Variants in CCNY observed in about 807,000 individuals in gnomAD.
CCNY encodes cyclin-Y.
In CCNY, 19 loss-of-function variants were observed where a neutral mutation model predicts 42.8. That is an observed-to-expected ratio of 0.44 (90% CI 0.31 to 0.65). The LOEUF is 0.65. Ranked by LOEUF, CCNY falls within the 30% of genes least tolerant of loss-of-function variation. CCNY has a pLI of 0.07. For synonymous variants in CCNY, 165 were observed against 162.7 expected (o/e 1.01, Z -0.11); for missense variants, 370 against 437.3 (o/e 0.85, Z 1.37).
intron 1 of CCNY, among the ~76,000 whole-genome samples, chr10:35,390,754 G>A (rs1016957015): frequency 2.0e-5 from 3 of 152,268 alleles, no homozygotes; most frequent in South Asian, 2.1e-4. Flanking sequence ...GGCATAGGGC[G>A]GTGATTTTCA....
chr10:35,472,977 C>T (rs1839420043), intron 1 of CCNY, among the ~76,000 whole-genome samples: 1 of 152,102 alleles, frequency 6.6e-6, no homozygotes, highest in African/African-American at 2.4e-5. Context: ...TAACTGAATT[C>T]AACGGAATTG....
chr10:35,442,257 A>C (rs1486980472), intron 1 of CCNY, among the ~76,000 whole-genome samples: 1 of 152,194 alleles, frequency 6.6e-6, no homozygotes, highest in Non-Finnish European at 1.5e-5. Context: ...TGGTGGTTGG[A>C]GAAATAGAAC....
At chr10:35,416,822 G>C (rs1255225001) in intron 1 of CCNY, among the ~76,000 whole-genome samples, 1 of 152,158 alleles carries the variant, frequency 6.6e-6, no homozygotes, top group Middle Eastern at 3.2e-3. Context: ...TTGATGGCCT[G>C]TGGGGGCAAA....
chr10:35,448,716 A>T (rs927013201), intron 1 of CCNY, among the ~76,000 whole-genome samples: 2 of 151,328 alleles, frequency 1.3e-5, no homozygotes, highest in African/African-American at 4.9e-5. Context: ...AGTGTGGGGG[A>T]TGGAGGGGAG....
chr10:35,477,017 A>G (rs1839528200), intron 1 of CCNY, among the ~76,000 whole-genome samples: 1 of 152,226 alleles, frequency 6.6e-6, no homozygotes, highest in Admixed American at 6.5e-5. Context: ...ACCTCTATGC[A>G]AATAAACTAG....
intron 1 of CCNY, among the ~76,000 whole-genome samples, chr10:35,396,561 T>A (rs959654229): frequency 6.6e-6 from 1 of 152,268 alleles, no homozygotes; most frequent in African/African-American, 2.4e-5. Flanking sequence ...AATGAACCAT[T>A]TCTCTGTTGC....
At chr10:35,506,832 T>C (rs1345226141) in intron 3 of CCNY, among the ~76,000 whole-genome samples, 3 of 152,196 alleles carry the variant, frequency 2.0e-5, no homozygotes, top group Non-Finnish European at 4.4e-5. Context: ...CTTTTGTATA[T>C]AGTGTTAGGA....
chr10:35,318,020 G>A (rs1343230164), intron 3 of CCNY, among the ~76,000 whole-genome samples: 1 of 152,064 alleles, frequency 6.6e-6, no homozygotes, highest in Admixed American at 6.5e-5. Context: ...TTGAGGCCAG[G>A]AGTTCAAGAC....
intron 1 of CCNY, among the ~76,000 whole-genome samples, chr10:35,367,532 A>G (rs1340135852): frequency 6.6e-6 from 1 of 152,242 alleles, no homozygotes; most frequent in East Asian, 1.9e-4. Flanking sequence ...TCTACATCTC[A>G]TGGATTTTAT....
chr10:35,475,437 C>T (rs1839486126), intron 1 of CCNY, among the ~76,000 whole-genome samples: 1 of 151,352 alleles, frequency 6.6e-6, no homozygotes, highest in Admixed American at 6.6e-5. Flanking sequence ...AACAGCGGAT[C>T]TCTCGGCAGA....
At chr10:35,391,402 G>C (rs936986057) in intron 1 of CCNY, among the ~76,000 whole-genome samples, 1 of 152,178 alleles carries the variant, frequency 6.6e-6, no homozygotes, top group Admixed American at 6.5e-5. Context: ...AAGTGACCAA[G>C]GGTGACTCAG....
At chr10:35,367,361 T>C (rs1196737334) in intron 1 of CCNY, among the ~76,000 whole-genome samples, 1 of 152,208 alleles carries the variant, frequency 6.6e-6, no homozygotes, top group Admixed American at 6.5e-5. Context: ...ATCTTCCTTC[T>C]CTGTAAAATG....
At chr10:35,524,193 A>AT (rs747814459) in intron 4 of CCNY, among the ~76,000 whole-genome samples, 60 of 152,118 alleles carry the variant, frequency 3.9e-4, no homozygotes, top group Non-Finnish European at 8.2e-4. Flanking sequence ...AATAACATCT[A>AT]TTTTTTCTTG....
At chr10:35,475,940 G>A (rs1454329057) in intron 1 of CCNY, among the ~76,000 whole-genome samples, 9 of 152,038 alleles carry the variant, frequency 5.9e-5, no homozygotes, top group Non-Finnish European at 1.2e-4. Flanking sequence ...AAGGATGGAG[G>A]AAGATCTGCC....
At chr10:35,297,627 G>T (rs1036243429) in intron 3 of CCNY, among the ~76,000 whole-genome samples, 4 of 152,072 alleles carry the variant, frequency 2.6e-5, no homozygotes, top group Admixed American at 1.3e-4. Flanking sequence ...CCTTGATCTG[G>T]TAACTTCAGC....
chr10:35,530,156 C>G lies in CCNY; in HGVS notation c.492C>G (p.His164Gln), dbSNP rs1385902639. ...AAGTGCCACCAGATTATGACAAACA[C>G]AACCCAGAGCAGAAGCAGATTTACC... is the stretch of plus-strand genomic sequence containing the variant. ...KSEVPPDYDK[H>Q]NPEQKQIYRF... The change falls in exon 7 of 10, where the codon CAC (histidine) becomes CAG (glutamine). Residue 164 changes from histidine to glutamine, a missense_variant. Coordinates refer to ENST00000374704, the MANE Select transcript of CCNY (RefSeq NM_145012.6). The surrounding 1 kb of genome is among the most constrained non-coding windows in gnomAD (Gnocchi z 4.3). 2 of 1,614,082 alleles carry G rather than the reference C, an allele frequency of 1.2e-6. No homozygotes were observed. The highest frequency in any genetic ancestry group is 1.7e-6 in the Non-Finnish European group (2 of 1,180,038).
chr10:35,451,647 C>A (rs951716852), intron 1 of CCNY, among the ~76,000 whole-genome samples: 7 of 152,174 alleles, frequency 4.6e-5, no homozygotes, highest in Admixed American at 6.5e-5. Context: ...TGTTACCAGG[C>A]GGGTTGAGAA....
chr10:35,342,331 G>A (rs990166725), intron 1 of CCNY, among the ~76,000 whole-genome samples: 17 of 152,210 alleles, frequency 1.1e-4, no homozygotes, highest in African/African-American at 3.6e-4. Flanking sequence ...AGAACATACC[G>A]TGGACTTTCT....
Position 35,483,315 on chromosome 10 carries a change from A to G in CCNY, c.155-89A>G, listed in dbSNP as rs183969100. On this transcript the variant is annotated intron_variant, in intron 1 of 9. Transcript: ENST00000374704. ...TCCAGAATCCTTGAATGTATTAGCA[A>G]TTTAAAGTTGAAAAATAATTGAGTC... The G allele has an allele frequency of 3.2e-5, 28 of 865,822 alleles. No individual in the cohort carries two copies. The East Asian group carries it at 5.8e-4, about 18-fold the overall frequency. The allele number at this position is 865,822 out of a possible 1,614,324, so 53.6% of individuals were successfully genotyped here. A position where few individuals can be genotyped will look rare whatever the true frequency, so the allele number is the denominator to read the frequency against.
Sources: gnomAD v4.1 joint callset for allele counts (sites outside exome capture counted in the v4.1 genomes callset) on GRCh38, gnomAD v4.1.1 for gene constraint, Gnocchi (gnomAD v3.1) non-coding constraint, MANE v1.5 for transcripts, NCBI Gene and HGNC (gene_info 2026-07-23, HGNC 2026-07-21) for gene names.